Variants in IGBP1C observed in about 807,000 individuals in gnomAD.
IGBP1C encodes IGBP1 family member C.
chr17:58,690,153 T>C, the IGBP1C span, among the ~76,000 whole-genome samples: 6 of 150,854 alleles, frequency 4.0e-5, no homozygotes, highest in Non-Finnish European at 5.9e-5. Flanking sequence ...GGGGGTTTTT[T>C]TGTTTTTTTT....
At chr17:58,660,506 AGGGGAAGGCTGCATGGTTTTCCTTGGC>A in the IGBP1C span, 1 of 707,436 alleles carries the variant, frequency 1.4e-6, no homozygotes, top group Non-Finnish European at 2.6e-6. Context: ...GAGCTCAGGG[AGGGGAAGGCTGCATGGTTTTCCTTGGC>A]GGGGAAGGTG....
At chr17:58,665,688 C>T in the IGBP1C span, among the ~76,000 whole-genome samples, 3 of 151,830 alleles carry the variant, frequency 2.0e-5, no homozygotes, top group Non-Finnish European at 4.4e-5. Flanking sequence ...CAGCTTTAAA[C>T]AGTAAGCAAC....
At chr17:58,676,094 G>A in the IGBP1C span, among the ~76,000 whole-genome samples, 8 of 152,062 alleles carry the variant, frequency 5.3e-5, no homozygotes, top group South Asian at 2.1e-4. Flanking sequence ...AAAATTAGTC[G>A]GCCAGGTGCA....
At chr17:58,676,874 T>G in the IGBP1C span, among the ~76,000 whole-genome samples, 2 of 152,020 alleles carry the variant, frequency 1.3e-5, no homozygotes, top group East Asian at 3.9e-4. Flanking sequence ...CTCACGCCTG[T>G]AATCCCAGTA....
At chr17:58,674,393 G>C in the IGBP1C span, among the ~76,000 whole-genome samples, 2 of 152,184 alleles carry the variant, frequency 1.3e-5, no homozygotes, top group Admixed American at 1.3e-4. Context: ...AGTCCGGCCA[G>C]GCGCAGTGGC....
the IGBP1C span, among the ~76,000 whole-genome samples, chr17:58,669,733 C>CAAA: frequency 0.19 from 10,909 of 56,152 alleles, 1,145 homozygotes; most frequent in Non-Finnish European, 0.26. Flanking sequence ...GACTCCGTCT[C>CAAA]AAAAAAAAAA....
chr17:58,681,658 T>C, the IGBP1C span, among the ~76,000 whole-genome samples: 2 of 152,056 alleles, frequency 1.3e-5, no homozygotes, highest in Non-Finnish European at 2.9e-5. Flanking sequence ...GAGACCAGCC[T>C]GGCAAACATG....
the IGBP1C span, among the ~76,000 whole-genome samples, chr17:58,682,262 C>CTT: frequency 3.5e-4 from 50 of 141,976 alleles, no homozygotes; most frequent in South Asian, 6.8e-4. Context: ...CAGAGTCTTT[C>CTT]TTTTTTTTTT....
the IGBP1C span, chr17:58,679,548 C>T: frequency 1.3e-5 from 2 of 152,204 alleles, no homozygotes; most frequent in Non-Finnish European, 2.9e-5. Flanking sequence ...CCAACATAGT[C>T]CCCACTACCA....
At chr17:58,689,128 C>T in the IGBP1C span, among the ~76,000 whole-genome samples, 15 of 152,036 alleles carry the variant, frequency 9.9e-5, no homozygotes, top group African/African-American at 3.6e-4. Flanking sequence ...GATGGGGTTT[C>T]ACCGTGTTAG....
At chr17:58,684,877 G>A in the IGBP1C span, among the ~76,000 whole-genome samples, 1 of 152,058 alleles carries the variant, frequency 6.6e-6, no homozygotes, top group East Asian at 1.9e-4. Context: ...TCAAGAGGCT[G>A]TGGCATAAGA....
chr17:58,684,761 G>A, the IGBP1C span, among the ~76,000 whole-genome samples: 5 of 152,240 alleles, frequency 3.3e-5, no homozygotes, highest in East Asian at 5.8e-4. Flanking sequence ...GATCACCTGA[G>A]GTCAGGAGTT....
chr17:58,670,870 G>T, the IGBP1C span, among the ~76,000 whole-genome samples: 2 of 146,704 alleles, frequency 1.4e-5, no homozygotes, highest in East Asian at 4.1e-4. Context: ...ACAATAAAAT[G>T]ATAGAAGTAC....
chr17:58,667,964 A>G, the IGBP1C span, among the ~76,000 whole-genome samples: 2 of 151,734 alleles, frequency 1.3e-5, no homozygotes, highest in African/African-American at 4.8e-5. Flanking sequence ...GAACCTTCTC[A>G]TAGGCCAGTC....
the IGBP1C span, among the ~76,000 whole-genome samples, chr17:58,679,199 G>A: frequency 1.6e-4 from 25 of 152,144 alleles, no homozygotes; most frequent in Non-Finnish European, 2.9e-4. Flanking sequence ...TCCACAAAAA[G>A]ATATAAAGAC....
the IGBP1C span, among the ~76,000 whole-genome samples, chr17:58,690,313 T>G: frequency 6.6e-6 from 1 of 152,038 alleles, no homozygotes; most frequent in Non-Finnish European, 1.5e-5. Context: ...ACTAGAGGCA[T>G]GTACCACCAT....
At chr17:58,661,587 C>T in the IGBP1C span, 1 of 725,614 alleles carries the variant, frequency 1.4e-6, no homozygotes, top group Non-Finnish European at 2.5e-6. Context: ...AACTCGTCTT[C>T]AGCAGCTGCC....
At chr17:58,685,957 C>T in the IGBP1C span, among the ~76,000 whole-genome samples, 9 of 144,472 alleles carry the variant, frequency 6.2e-5, no homozygotes, top group South Asian at 4.4e-4. Context: ...ATCACACCAC[C>T]GCACTCCAGC....
chr17:58,663,212 C>G, the IGBP1C span, among the ~76,000 whole-genome samples: 1 of 151,726 alleles, frequency 6.6e-6, no homozygotes, highest in Non-Finnish European at 1.5e-5. Context: ...CACCTGAGGT[C>G]GGGAGTTCAA....
Sources: gnomAD v4.1 joint callset for allele counts (sites outside exome capture counted in the v4.1 genomes callset) on GRCh38, gnomAD v4.1.1 for gene constraint, MANE v1.5 for transcripts, NCBI Gene and HGNC (gene_info 2026-07-23, HGNC 2026-07-21) for gene names.